Variants in DSEL observed in about 807,000 individuals in gnomAD.
DSEL encodes the protein dermatan sulfate epimerase like.
DSEL carries 61 observed loss-of-function variants against 96.6 expected under a neutral mutation model. The ratio of observed to expected loss-of-function variants is 0.63; its 90% CI spans 0.51 to 0.78. The LOEUF is 0.78. DSEL is among the 30% of genes least tolerant of loss of function. The pLI is 0.00. For synonymous variants in DSEL, 514 were observed against 502.0 expected, an observed-to-expected ratio of 1.02 and a Z score of -0.32; for missense variants, 1,320 against 1,430.8, an observed-to-expected ratio of 0.92 and a Z score of 1.25.
chr18:67,514,323 CTG>C lies in DSEL; in HGVS notation c.284_285del (p.Thr95SerfsTer17). 2 of 1,614,234 alleles carry C rather than the reference CTG, an allele frequency of 1.2e-6. No homozygotes were observed. Among genetic ancestry groups the C allele is most frequent in the Non-Finnish European group, 1.7e-6 (2 of 1,180,028 alleles). ...HLFRAIRSAV[T>X]VMLSNPTYYL... ...TAGTATGTTGGGTTGGACAGCATAACTGTCACTGCACTTCTGATAGCTCTAAA... is the reference window on the plus strand; with the variant it reads ...TAGTATGTTGGGTTGGACAGCATAACTCACTGCACTTCTGATAGCTCTAAA... On this transcript the variant is annotated frameshift_variant, in exon 2 of 2. Transcript: ENST00000310045. LOFTEE classifies it high-confidence loss of function.
rs769654032 is a variant in DSEL, at chr18:67,513,286, C to A, written c.1323G>T (p.Gly441=). 1 of 1,614,202 alleles carries A rather than the reference C, an allele frequency of 6.2e-7. No individual in the cohort carries two copies. The highest frequency in any genetic ancestry group is 8.5e-7 in the Non-Finnish European group (1 of 1,180,044). Residue 441 remains glycine (G), a synonymous_variant, in exon 2 of 2, where the codon GGG becomes GGT. Transcript: ENST00000310045. ...TFVSFKSGKL[G]GRAVYDIVHF... ...GAACTATGTCATACACAGCTCGTCC[C>A]CCCAGCTTCCCAGATTTAAAAGACA...
Position 67,510,908 on chromosome 18 carries a change from T to C in DSEL, c.*62A>G. 1 of 1,368,910 alleles carries C rather than the reference T, an allele frequency of 7.3e-7. No homozygotes were observed. The highest frequency in any genetic ancestry group is 1.0e-6 in the Non-Finnish European group (1 of 1,003,108). The allele number at this position is 1,368,910 out of a possible 1,614,324, so 84.8% of individuals were successfully genotyped here. A position where few individuals can be genotyped will look rare whatever the true frequency, so the allele number is the denominator to read the frequency against. On this transcript the variant is annotated 3_prime_UTR_variant, in exon 2 of 2. Coordinates refer to ENST00000310045, the MANE Select transcript of DSEL (RefSeq NM_032160.3). ...CTAAAGAATAAACAAACTCTTCTGA[T>C]TCATATCCACAAAGTGGGTTGGTAA...
In DSEL at chr18:67,514,287, G is replaced by C. The variant is rs533667504; in HGVS notation, c.322C>G (p.Pro108Ala). 6.9e-5 allele frequency: 111 copies of C among 1,614,204 alleles called. 2 individuals carry two copies. The South Asian group carries it at 8.8e-4, about 13-fold the overall frequency. ...LSNPTYYLPP[P>A]KHADFAAKWN... ...TTGGCAGCAAAATCAGCATGCTTTG[G>C]TGGAGGTAGGTAGTATGTTGGGTTG... is the stretch of plus-strand genomic sequence containing the variant. Residue 108 changes from proline to alanine, a missense_variant, in exon 2 of 2, where the codon CCA (proline) becomes GCA (alanine). Pro to Ala is a conservative substitution (Grantham distance 27, BLOSUM62 -1). Transcript: ENST00000310045.
chr18:67,508,151 A>C lies in DSEL; in HGVS notation c.*2819T>G, dbSNP rs2144042807. 1 of 151,264 alleles carries C rather than the reference A, an allele frequency of 6.6e-6. No homozygotes were observed. Among genetic ancestry groups the C allele is most frequent in the African/African-American group, 2.5e-5 (1 of 40,586 alleles). The allele number at this position is 151,264 out of a possible 1,614,324, so 9.4% of individuals were successfully genotyped here. On this transcript the variant is annotated 3_prime_UTR_variant, in exon 2 of 2. Transcript: ENST00000310045. ...GATTTTACAGATAAGAAATTTTGTA[A>C]GTGTTTCTTTCAGAAGTATCAGATA...
rs1253833571 is a variant in DSEL, at chr18:67,515,226, A to G, written c.-618T>C. The G allele has an allele frequency of 6.0e-6, 1 of 167,008 alleles. No individual in the cohort carries two copies. The highest frequency in any genetic ancestry group is 1.9e-4 in the East Asian group (1 of 5,208). 10.3% of individuals were successfully genotyped at this position (167,008 alleles called of 1,614,324 possible). On this transcript the variant is annotated 5_prime_UTR_variant, in exon 2 of 2. Coordinates refer to ENST00000310045, the MANE Select transcript of DSEL (RefSeq NM_032160.3). ...GAGAAACATCCTCAACAAGTGATCA[A>G]AGTCTTAGTTGGTTTTTAAAAATTC...
chr18:67,512,164 C>G lies in DSEL; in HGVS notation c.2445G>C (p.Glu815Asp). The change falls in exon 2 of 2, where the codon GAG becomes GAC. Residue 815 changes from glutamate to aspartate, a missense_variant. By Grantham distance (45) the Glu-to-Asp change is conservative (BLOSUM62 2). Transcript: ENST00000310045. The stretch of plus-strand genomic sequence containing the variant: ...TACAAGTGCTCCACACATCCAAAAG[C>G]TCAATAAACCACAAGGCAATAACAA... Reference protein sequence around the residue: ...LILVIALWFIELLDVWSTCSQ... With the variant: ...LILVIALWFIDLLDVWSTCSQ... 6.2e-7 allele frequency: 1 copy of G among 1,614,174 alleles called. No individual in the cohort carries two copies. The highest frequency in any genetic ancestry group is 1.1e-5 in the South Asian group (1 of 91,084).
Position 67,514,113 on chromosome 18 carries a change from C to T in DSEL, c.496G>A (p.Asp166Asn). The change falls in exon 2 of 2, where the codon GAT (aspartate) becomes AAT (asparagine). Residue 166 changes from aspartate to asparagine, a missense_variant. Coordinates refer to ENST00000310045, the MANE Select transcript of DSEL (RefSeq NM_032160.3). ...KDWLVENAPG[D>N]EVPIGHSLTG... ...AAGGAATGGCCAATTGGAACCTCAT[C>T]TCCTGGTGCATTCTCTACTAGCCAG... 1 of 1,614,226 alleles carries T rather than the reference C, an allele frequency of 6.2e-7. No individual in the cohort carries two copies. The highest frequency in any genetic ancestry group is 8.5e-7 in the Non-Finnish European group (1 of 1,180,038).
Position 67,511,561 on chromosome 18 carries a change from A to G in DSEL, c.3048T>C (p.Phe1016=), listed in dbSNP as rs973397286. The change falls in exon 2 of 2, where the codon TTT becomes TTC. Residue 1016 remains phenylalanine (F), a synonymous_variant. Coordinates refer to ENST00000310045, the MANE Select transcript of DSEL (RefSeq NM_032160.3). ...SGSWTLKLHF[F]QEVLGASMRA... is the part of the protein sequence containing the mutation. Reference sequence around the variant, plus strand: ...TCATCGAAGCTCCTAAAACTTCCTGAAAAAAATGAAGCTTTAACGTCCAGC... The same window carrying G: ...TCATCGAAGCTCCTAAAACTTCCTGGAAAAAATGAAGCTTTAACGTCCAGC... 28 of 1,612,904 alleles carry G rather than the reference A, an allele frequency of 1.7e-5. No individual in the cohort carries two copies. The East Asian group carries it at 6.2e-4, about 36-fold the overall frequency.
At position 67,508,733 on chromosome 18, in the gene DSEL, T is replaced by TTC. The variant is rs1233410063; in HGVS notation, c.*2236_*2237insGA. The TTC allele has an allele frequency of 4.7e-4, 67 of 143,238 alleles. No individual in the cohort carries two copies. The highest frequency in any genetic ancestry group is 1.5e-3 in the African/African-American group (58 of 39,430). 8.9% of individuals were successfully genotyped at this position (143,238 alleles called of 1,614,324 possible). A position where few individuals can be genotyped will look rare whatever the true frequency, so the allele number is the denominator to read the frequency against. ...CCAACAGGTACATTTCTTTTTTTCTTTTTTTTTTTTTTTTGAGGCGGAGTC... is the reference window on the plus strand; with the variant it reads ...CCAACAGGTACATTTCTTTTTTTCTTTCTTTTTTTTTTTTTTGAGGCGGAGTC... On this transcript the variant is annotated 3_prime_UTR_variant, in exon 2 of 2. Transcript: ENST00000310045.
Position 67,508,325 on chromosome 18 carries a change from T to A in DSEL, c.*2645A>T, listed in dbSNP as rs2089421595. ...GAATTCTGTTTCTAAGGCAGGGGTCTCAGGCACCATCACATGCATACATAC... is the reference window on the plus strand; with the variant it reads ...GAATTCTGTTTCTAAGGCAGGGGTCACAGGCACCATCACATGCATACATAC... On this transcript the variant is annotated 3_prime_UTR_variant, in exon 2 of 2. Coordinates refer to ENST00000310045, the MANE Select transcript of DSEL (RefSeq NM_032160.3). The A allele has an allele frequency of 2.0e-5, 3 of 152,342 alleles. No homozygotes were observed. Among genetic ancestry groups the A allele is most frequent in the Admixed American group, 1.3e-4 (2 of 15,290 alleles). 9.4% of individuals were successfully genotyped at this position (152,342 alleles called of 1,614,324 possible). A position where few individuals can be genotyped will look rare whatever the true frequency, so the allele number is the denominator to read the frequency against.
At position 67,510,984 on chromosome 18, in the gene DSEL, T is replaced by C. The variant is rs1568243854; in HGVS notation, c.3625A>G (p.Lys1209Glu). Reference sequence around the variant, plus strand: ...ACCTGCAGCATTTAGTCCATAAACTTTGGATATCCTAGGCGATCCATCAGA... The same window carrying C: ...ACCTGCAGCATTTAGTCCATAAACTCTGGATATCCTAGGCGATCCATCAGA... ...WTLMDRLGYP[K>E]FMD Residue 1209 changes from lysine to glutamate, a missense_variant, in exon 2 of 2, where the codon AAG becomes GAG. Around this residue, in one of 3 missense-constraint regions of DSEL, gnomAD observed 986 missense variants for 1,066.4 expected, o/e 0.92. Coordinates refer to ENST00000310045, the MANE Select transcript of DSEL (RefSeq NM_032160.3). 4 of 1,575,836 alleles carry C rather than the reference T, an allele frequency of 2.5e-6. No homozygotes were observed. The highest frequency in any genetic ancestry group is 3.4e-6 in the Non-Finnish European group (4 of 1,164,766).
Position 67,514,698 on chromosome 18 carries a change from A to G in DSEL, c.-90T>C. ...CTGGTTAGTATAAAACATACAGTAA[A>G]GGCCTTGATAAGACAAAGACTGTAA... On this transcript the variant is annotated 5_prime_UTR_variant, in exon 2 of 2. Coordinates refer to ENST00000310045, the MANE Select transcript of DSEL (RefSeq NM_032160.3). 1 of 1,382,666 alleles carries G rather than the reference A, an allele frequency of 7.2e-7. No homozygotes were observed. Among genetic ancestry groups the G allele is most frequent in the South Asian group, 1.4e-5 (1 of 73,116 alleles). The allele number at this position is 1,382,666 out of a possible 1,614,324, so 85.6% of individuals were successfully genotyped here. A position where few individuals can be genotyped will look rare whatever the true frequency, so the allele number is the denominator to read the frequency against.
At position 67,512,102 on chromosome 18, in the gene DSEL, G is replaced by T; in HGVS notation, c.2507C>A (p.Ala836Asp). ...PICAKWTRTEAEGSKKSLSSE... is the reference protein window; with the variant it reads ...PICAKWTRTEDEGSKKSLSSE... ...AGACAAAGACTTCTTGCTTCCCTCA[G>T]CCTCTGTCCTTGTCCATTTTGCACA... The change falls in exon 2 of 2, where the codon GCT becomes GAT. Residue 836 changes from alanine to aspartate, a missense_variant. This residue lies in a region of DSEL where 986 missense variants were observed against 1,066.4 expected (regional missense o/e 0.92). Coordinates refer to ENST00000310045, the MANE Select transcript of DSEL (RefSeq NM_032160.3). 2 of 1,614,120 alleles carry T rather than the reference G, an allele frequency of 1.2e-6. No homozygotes were observed. The highest frequency in any genetic ancestry group is 1.7e-6 in the Non-Finnish European group (2 of 1,180,022).
rs375995676 is a variant in DSEL, at chr18:67,511,947, T to C, written c.2662A>G (p.Ile888Val). 1.5e-5 allele frequency: 24 copies of C among 1,614,152 alleles called. No individual in the cohort carries two copies. Among genetic ancestry groups the C allele is most frequent in the South Asian group, 2.2e-5 (2 of 91,084 alleles). Residue 888 changes from isoleucine to valine, a missense_variant, in exon 2 of 2, where the codon ATT becomes GTT. This residue lies in a region of DSEL where 986 missense variants were observed against 1,066.4 expected (regional missense o/e 0.92). Transcript: ENST00000310045. ...TCCAACTCAGTTTCAGGAATATCAA[T>C]GTAGGCTGTAGGAACCCTGATGTAG... The part of the protein sequence containing the change: ...FLYIRVPTAY[I>V]DIPETELEID...
At position 67,513,160 on chromosome 18, in the gene DSEL, T is replaced by TA. The variant is rs2089454089; in HGVS notation, c.1448dup (p.Phe484IlefsTer4). On this transcript the variant is annotated frameshift_variant, in exon 2 of 2. Transcript: ENST00000310045. LOFTEE classifies it high-confidence loss of function. ...GTCCATAGAGAGCTTCAGAAACAAATACTTGTCCATTGGGGGCAAAAGTAA... is the reference window on the plus strand; with the variant it reads ...GTCCATAGAGAGCTTCAGAAACAAATAACTTGTCCATTGGGGGCAAAAGTAA... The TA allele has an allele frequency of 6.2e-7, 1 of 1,614,050 alleles. No homozygotes were observed. The highest frequency in any genetic ancestry group is 1.7e-5 in the Admixed American group (1 of 60,004).
rs745691476 is a variant in DSEL at position 67,511,372 on chromosome 18, G to A, written c.3237C>T (p.Phe1079=). ...ATTCTTTCCTCAATGGTTCATACTC[G>A]AAAGCATAACCCGAATTTAAGTTAC... The part of the protein sequence containing the change: ...GKCNLNSGYA[F]EYEPLRKELS... Residue 1079 remains phenylalanine, a synonymous_variant, in exon 2 of 2, where the codon TTC becomes TTT. Transcript: ENST00000310045. 132 of 1,603,130 alleles carry A rather than the reference G, an allele frequency of 8.2e-5. No homozygotes were observed. Among genetic ancestry groups the A allele is most frequent in the Middle Eastern group, 1.6e-4 (1 of 6,084 alleles).
Position 67,510,924 on chromosome 18 carries a change from G to A in DSEL, c.*46C>T. On this transcript the variant is annotated 3_prime_UTR_variant, in exon 2 of 2. Transcript: ENST00000310045. ...CTCTTCTGATTCATATCCACAAAGT[G>A]GGTTGGTAAGTATTATTAGTGCAAA... The A allele has an allele frequency of 6.8e-7, 1 of 1,463,074 alleles. No homozygotes were observed. Among genetic ancestry groups the A allele is most frequent in the Non-Finnish European group, 9.2e-7 (1 of 1,084,942 alleles). 90.6% of individuals were successfully genotyped at this position (1,463,074 alleles called of 1,614,324 possible).
At position 67,511,805 on chromosome 18, in the gene DSEL, T is replaced by G; in HGVS notation, c.2804A>C (p.Gln935Pro). The change falls in exon 2 of 2, where the codon CAA becomes CCA. Residue 935 changes from glutamine to proline, a missense_variant. Gln to Pro is a moderately conservative substitution (Grantham distance 76). Transcript: ENST00000310045. Reference sequence around the variant, plus strand: ...ATTGGGTTCATGCAGATGGATGTTTTGCAAATGTAATTTTGTGTCCTGGAC... The same window carrying G: ...ATTGGGTTCATGCAGATGGATGTTTGGCAAATGTAATTTTGTGTCCTGGAC... ...SLVQDTKLHL[Q>P]NIHLHEPNRG... 6.2e-7 allele frequency: 1 copy of G among 1,614,200 alleles called. No homozygotes were observed. Among genetic ancestry groups the G allele is most frequent in the South Asian group, 1.1e-5 (1 of 91,084 alleles).
At position 67,510,877 on chromosome 18, in the gene DSEL, C is replaced by CAA. The variant is rs2144047614; in HGVS notation, c.*92_*93insTT. The CAA allele has an allele frequency of 1.9e-6, 2 of 1,078,554 alleles. No homozygotes were observed. The highest frequency in any genetic ancestry group is 2.6e-5 in the Admixed American group (1 of 38,652). The allele number at this position is 1,078,554 out of a possible 1,614,324, so 66.8% of individuals were successfully genotyped here. A position where few individuals can be genotyped will look rare whatever the true frequency, so the allele number is the denominator to read the frequency against. On this transcript the variant is annotated 3_prime_UTR_variant, in exon 2 of 2. Transcript: ENST00000310045. ...ACACATACACGCGTGCACACACACA[C>CAA]ACACACTAAAGAATAAACAAACTCT...
Sources: allele counts gnomAD v4.1 joint callset, GRCh38; gene constraint gnomAD v4.1.1; regional missense constraint gnomAD v4.1.1; transcripts MANE v1.5; gene names NCBI Gene and HGNC (gene_info 2026-07-23, HGNC 2026-07-21).